Variants in RORA observed in about 807,000 individuals in gnomAD.
RORA encodes RAR related orphan receptor A.
RORA carries 7 observed loss-of-function variants against 69.5 expected under a neutral mutation model. The observed-to-expected ratio is 0.10, with a 90% CI of 0.06 to 0.19. RORA has a LOEUF of 0.19. Among genes scored for constraint, RORA ranks in the 10% least tolerant of loss-of-function variants. The pLI is 1.00. For synonymous variants in RORA, 261 were observed against 240.8 expected (o/e 1.08, Z -0.78); for missense variants, 457 against 663.0 (o/e 0.69, Z 3.41).
In RORA at chr15:60,597,615, T is replaced by TATATATAC. The variant is rs1398504372; in HGVS notation, c.197-65765_197-65764insGTATATAT. On this transcript the variant is annotated intron_variant, in intron 2 of 10. Transcript: ENST00000335670. Reference sequence around the variant, plus strand: ...ATATACACATATATATATATATATATATACATACATATATATACATATATA... The same window carrying TATATATAC: ...ATATACACATATATATATATATATATATATATACATACATACATATATATACATATATA... 4.2e-5 allele frequency among the ~76,000 whole-genome samples: 2 copies of TATATATAC among 47,640 alleles called. 1 individual carries two copies. The highest frequency in any genetic ancestry group is 7.3e-5 in the Non-Finnish European group (2 of 27,586). The allele number at this position is 47,640 out of a possible 152,430, so 31.3% of individuals were successfully genotyped here.
At chr15:60,978,000 G>T (rs1234663799) in intron 1 of RORA, among the ~76,000 whole-genome samples, 1 of 152,090 alleles carries the variant, frequency 6.6e-6, no homozygotes, top group Non-Finnish European at 1.5e-5. Flanking sequence ...TGGGTCAAAT[G>T]GTAACTCTAT....
chr15:61,138,735 G>A (rs774956320), intron 1 of RORA, among the ~76,000 whole-genome samples: 7 of 151,406 alleles, frequency 4.6e-5, no homozygotes, highest in Non-Finnish European at 7.4e-5. Flanking sequence ...GGTGCTCTGA[G>A]GGGGAAAAAA....
At chr15:61,193,121 G>A (rs368814659) in intron 1 of RORA, among the ~76,000 whole-genome samples, 3 of 151,932 alleles carry the variant, frequency 2.0e-5, no homozygotes, top group Non-Finnish European at 4.4e-5. Flanking sequence ...CCAAATATAC[G>A]TCATTTTACT....
chr15:60,771,031 A>G (rs1278487775), intron 1 of RORA, among the ~76,000 whole-genome samples: 2 of 152,184 alleles, frequency 1.3e-5, no homozygotes, highest in Admixed American at 6.5e-5. Flanking sequence ...CTGAAACTCA[A>G]ACCTCTCTGG....
At chr15:60,557,536 A>G (rs2067403773) in intron 2 of RORA, among the ~76,000 whole-genome samples, 1 of 152,242 alleles carries the variant, frequency 6.6e-6, no homozygotes, top group African/African-American at 2.4e-5. Context: ...ATGAACTGTT[A>G]TAAACTCTGG....
intron 1 of RORA, among the ~76,000 whole-genome samples, chr15:61,023,178 ACT>A (rs1300656568): frequency 9.3e-6 from 1 of 107,000 alleles, no homozygotes; most frequent in South Asian, 3.6e-4. Context: ...ACAGAGTGAG[ACT>A]CTGCCTCAAA....
chr15:61,187,672 G>A (rs957230280), intron 1 of RORA, among the ~76,000 whole-genome samples: 3 of 152,142 alleles, frequency 2.0e-5, no homozygotes, highest in Admixed American at 6.5e-5. Context: ...ATTTATAAGC[G>A]TTAAGACAGG....
intron 1 of RORA, among the ~76,000 whole-genome samples, chr15:61,192,459 C>G (rs547111528): frequency 6.6e-6 from 1 of 152,156 alleles, no homozygotes; most frequent in Non-Finnish European, 1.5e-5. Flanking sequence ...CATTCACCAA[C>G]AATGACATAC....
At chr15:61,171,417 T>C (rs1046774998) in intron 1 of RORA, among the ~76,000 whole-genome samples, 7 of 152,176 alleles carry the variant, frequency 4.6e-5, no homozygotes, top group Non-Finnish European at 1.0e-4. Flanking sequence ...CAGAGTTCAG[T>C]AGGTCTGTAT....
At chr15:61,126,434 T>G (rs1407331491) in intron 1 of RORA, among the ~76,000 whole-genome samples, 1 of 152,218 alleles carries the variant, frequency 6.6e-6, no homozygotes, top group East Asian at 1.9e-4. Flanking sequence ...CTATAGTCAC[T>G]TCATTGTATG....
chr15:60,871,479 G>A (rs1031257866), intron 1 of RORA, among the ~76,000 whole-genome samples: 1 of 152,190 alleles, frequency 6.6e-6, no homozygotes, highest in Non-Finnish European at 1.5e-5. Context: ...AAGGGCCATG[G>A]CCAGCCAGAC....
chr15:60,967,094 A>G (rs576158693), intron 1 of RORA, among the ~76,000 whole-genome samples: 6 of 152,342 alleles, frequency 3.9e-5, no homozygotes, highest in Admixed American at 3.9e-4. Context: ...GATTCTAATT[A>G]GTAGCAGAAC....
Position 61,087,936 on chromosome 15 carries a change from G to A in RORA, c.166+141117C>T, listed in dbSNP as rs142119330. Among the ~76,000 whole-genome samples, 423 of 152,366 alleles carry A rather than the reference G, an allele frequency of 2.8e-3. 4 individuals carry two copies. The highest frequency in any genetic ancestry group is 6.6e-4 in the Non-Finnish European group (45 of 68,036). Reference sequence around the variant, plus strand: ...AGACACAGATGTCTTCTGTTAGCAAGTCATTTCTCGATGTGCTCAGGGATA... The same window carrying A: ...AGACACAGATGTCTTCTGTTAGCAAATCATTTCTCGATGTGCTCAGGGATA... On this transcript the variant is annotated intron_variant, in intron 1 of 10. Transcript: ENST00000335670.
At chr15:61,062,111 C>A (rs1441230016) in intron 1 of RORA, among the ~76,000 whole-genome samples, 3 of 152,114 alleles carry the variant, frequency 2.0e-5, no homozygotes, top group Non-Finnish European at 4.4e-5. Flanking sequence ...AAAGACAGTA[C>A]CCCCACCCTA....
intron 1 of RORA, among the ~76,000 whole-genome samples, chr15:61,022,937 C>A (rs2140419663): frequency 6.6e-6 from 1 of 152,118 alleles, no homozygotes; most frequent in East Asian, 1.9e-4. Flanking sequence ...GCAATCCCAG[C>A]AATTTGAGAG....
intron 1 of RORA, among the ~76,000 whole-genome samples, chr15:60,760,887 T>G (rs2071876037): frequency 6.6e-6 from 1 of 151,852 alleles, no homozygotes; most frequent in African/African-American, 2.4e-5. Flanking sequence ...CACATACAGG[T>G]GCCTGATATT....
chr15:61,202,566 G>T (rs566494856), intron 1 of RORA, among the ~76,000 whole-genome samples: 3 of 152,088 alleles, frequency 2.0e-5, no homozygotes, highest in Admixed American at 1.3e-4. Context: ...TAGGAGGGTA[G>T]GGCCTGTGGT....
At chr15:61,207,619 T>G (rs2079954201) in intron 1 of RORA, among the ~76,000 whole-genome samples, 1 of 152,204 alleles carries the variant, frequency 6.6e-6, no homozygotes, top group Admixed American at 6.5e-5. Flanking sequence ...TTCATCACAA[T>G]TACATTTGGC....
At chr15:60,673,643 C>G (rs2070508734) in intron 2 of RORA, among the ~76,000 whole-genome samples, 1 of 152,184 alleles carries the variant, frequency 6.6e-6, no homozygotes, top group East Asian at 1.9e-4. Flanking sequence ...ATACTTCCAG[C>G]TTAGTTTGTT....
Sources: gnomAD v4.1 joint callset for allele counts (sites outside exome capture counted in the v4.1 genomes callset) on GRCh38, gnomAD v4.1.1 for gene constraint, MANE v1.5 for transcripts, NCBI Gene and HGNC (gene_info 2026-07-23, HGNC 2026-07-21) for gene names.